LIN52: variants seen among roughly 807,000 people sequenced by gnomAD.
The protein encoded by LIN52 is lin-52 DREAM MuvB core complex component.
Under a neutral mutation model 18.5 loss-of-function variants are expected in LIN52, and 4 were observed. That is an observed-to-expected ratio of 0.22 (90% CI 0.11 to 0.49). The LOEUF is 0.49. Among genes scored for constraint, LIN52 ranks in the 20% least tolerant of loss-of-function variants. LIN52 has a pLI of 0.97. For missense variants in LIN52, 102 were observed against 139.5 expected (o/e 0.73, Z 1.35); for synonymous variants, 34 against 45.5 (o/e 0.75, Z 1.02).
chr14:74,099,711 A>G (rs1368682998), intron 4 of LIN52, among the ~76,000 whole-genome samples: 1 of 151,840 alleles, frequency 6.6e-6, no homozygotes, highest in Admixed American at 6.6e-5. Context: ...GGGGACAGTG[A>G]GTTGCTAGTG....
At chr14:74,108,644 T>C (rs960731488) in intron 5 of LIN52, among the ~76,000 whole-genome samples, 6 of 152,216 alleles carry the variant, frequency 3.9e-5, no homozygotes, top group Non-Finnish European at 8.8e-5. Context: ...CTAGTAATAA[T>C]GGTGTTTAGC....
chr14:74,134,485 C>T (rs1417303412), intron 5 of LIN52, among the ~76,000 whole-genome samples: 1 of 152,140 alleles, frequency 6.6e-6, no homozygotes, highest in African/African-American at 2.4e-5. Context: ...CATGGACAGA[C>T]AATATTCATT....
intron 5 of LIN52, among the ~76,000 whole-genome samples, chr14:74,157,749 G>T (rs2061205860): frequency 6.6e-6 from 1 of 151,924 alleles, no homozygotes; most frequent in African/African-American, 2.4e-5. Context: ...GTCTCCTTGG[G>T]TCCTACAAGA....
At chr14:74,139,499 C>T (rs1566858953) in intron 5 of LIN52, among the ~76,000 whole-genome samples, 3 of 152,166 alleles carry the variant, frequency 2.0e-5, no homozygotes, top group African/African-American at 4.8e-5. Context: ...TGGGTGACTG[C>T]GTGCCCAACA....
At chr14:74,161,850 C>T (rs1041173135) in intron 5 of LIN52, among the ~76,000 whole-genome samples, 9 of 152,194 alleles carry the variant, frequency 5.9e-5, no homozygotes, top group Non-Finnish European at 7.3e-5. Context: ...AAGAGCCACA[C>T]GGTGCAAGAA....
chr14:74,098,827 C>T (rs938201776), intron 4 of LIN52, among the ~76,000 whole-genome samples: 3 of 152,164 alleles, frequency 2.0e-5, no homozygotes, highest in Admixed American at 1.3e-4. Context: ...GGATTACAGG[C>T]GTGAGCCACC....
At chr14:74,130,954 ATTATTTAT>A (rs138444518) in intron 5 of LIN52, among the ~76,000 whole-genome samples, 4 of 150,996 alleles carry the variant, frequency 2.6e-5, no homozygotes, top group East Asian at 1.9e-4. Flanking sequence ...TAAAATTTTT[ATTATTTAT>A]TTATTTATTT....
chr14:74,162,005 G>A (rs1204642370), intron 5 of LIN52, among the ~76,000 whole-genome samples: 2 of 152,110 alleles, frequency 1.3e-5, no homozygotes, highest in African/African-American at 2.4e-5. Context: ...CAGGGCAAAG[G>A]GTGAGTTAGG....
chr14:74,176,412 A>G (rs908797972), intron 5 of LIN52, among the ~76,000 whole-genome samples: 1 of 152,122 alleles, frequency 6.6e-6, no homozygotes, highest in African/African-American at 2.4e-5. Context: ...GCACCCAGCT[A>G]TAGTTAACTT....
intron 5 of LIN52, among the ~76,000 whole-genome samples, chr14:74,141,889 G>C (rs1166423436): frequency 1.3e-5 from 2 of 152,122 alleles, no homozygotes; most frequent in African/African-American, 2.4e-5. Context: ...AGTTTTGAAC[G>C]CATTAATGGA....
chr14:74,133,306 C>CT (rs1018819333), intron 5 of LIN52, among the ~76,000 whole-genome samples: 2 of 152,162 alleles, frequency 1.3e-5, no homozygotes, highest in African/African-American at 4.8e-5. Flanking sequence ...TAAAATGTTC[C>CT]TTTTTTCCCT....
At chr14:74,159,513 C>T (rs1311775725) in intron 5 of LIN52, among the ~76,000 whole-genome samples, 1 of 151,766 alleles carries the variant, frequency 6.6e-6, no homozygotes, top group Non-Finnish European at 1.5e-5. Flanking sequence ...CTGTCTTGTC[C>T]AGGCAGATTC....
intron 5 of LIN52, among the ~76,000 whole-genome samples, chr14:74,124,278 T>C (rs778033463): frequency 6.6e-6 from 1 of 152,152 alleles, no homozygotes; most frequent in Non-Finnish European, 1.5e-5. Flanking sequence ...TACAGAATGA[T>C]GTATGTAAGA....
intron 5 of LIN52, among the ~76,000 whole-genome samples, chr14:74,107,878 T>G (rs1475732996): frequency 6.6e-6 from 1 of 152,224 alleles, no homozygotes; most frequent in African/African-American, 2.4e-5. Flanking sequence ...TTTATTGAGA[T>G]GTAATTCACA....
At chr14:74,113,969 T>C in intron 5 of LIN52, 1 of 176,004 alleles carries the variant, frequency 5.7e-6, no homozygotes, top group Non-Finnish European at 1.1e-5. Context: ...TTCTTTCTTT[T>C]CTTTTTTTTT....
intron 5 of LIN52, among the ~76,000 whole-genome samples, chr14:74,125,752 G>A (rs1448371043): frequency 2.0e-5 from 3 of 152,006 alleles, no homozygotes; most frequent in African/African-American, 7.2e-5. Flanking sequence ...CATGGATGAA[G>A]CTGGAAACCA....
chr14:74,092,663 T>G (rs1359811949), intron 2 of LIN52, among the ~76,000 whole-genome samples: 1 of 148,732 alleles, frequency 6.7e-6, no homozygotes, highest in Non-Finnish European at 1.5e-5. Flanking sequence ...ATGCCTGTAG[T>G]CCCAGCACTT....
chr14:74,155,472 G>A (rs191362457), intron 5 of LIN52, among the ~76,000 whole-genome samples: 150 of 152,312 alleles, frequency 9.8e-4, no homozygotes, highest in African/African-American at 3.2e-3. Flanking sequence ...TCAATAAGGA[G>A]GTAATTGAAT....
At chr14:74,185,306 T>TTTC in intron 5 of LIN52, among the ~76,000 whole-genome samples, 1 of 111,984 alleles carries the variant, frequency 8.9e-6, no homozygotes, top group Non-Finnish European at 1.8e-5. Flanking sequence ...TTTATAATGA[T>TTTC]TTCTTTTTTT....
Sources: allele counts gnomAD v4.1 joint callset (sites outside exome capture counted in the v4.1 genomes callset), GRCh38; gene constraint gnomAD v4.1.1; transcripts MANE v1.5; gene names NCBI Gene and HGNC (gene_info 2026-07-23, HGNC 2026-07-21).